The following TMT1A variants were observed in gnomAD, a reference collection of about 807,000 sequenced individuals.
The protein encoded by TMT1A is thiol methyltransferase 1A.
the TMT1A span, chr12:50,930,176 T>A: frequency 8.6e-6 from 13 of 1,518,672 alleles, no homozygotes; most frequent in Non-Finnish European, 1.2e-5. Context: ...AAGAGCTGAA[T>A]GGCTCAAAGA....
chr12:50,927,561 G>GTAAT, the TMT1A span, among the ~76,000 whole-genome samples: 5 of 152,182 alleles, frequency 3.3e-5, no homozygotes, highest in African/African-American at 1.2e-4. Flanking sequence ...TGCAAGGCAG[G>GTAAT]TAATTATTAT....
At chr12:50,929,146 G>A in the TMT1A span, among the ~76,000 whole-genome samples, 1 of 152,126 alleles carries the variant, frequency 6.6e-6, no homozygotes, top group Admixed American at 6.5e-5. Context: ...GAGGCAGTAG[G>A]ATTGCTTGAG....
chr12:50,925,400 G>A, the TMT1A span: 38 of 1,614,106 alleles, frequency 2.4e-5, no homozygotes, highest in Non-Finnish European at 3.0e-5. Context: ...CAGTTTGAGC[G>A]CTTTGTGGTA....
chr12:50,926,016 C>CAAAAA, the TMT1A span, among the ~76,000 whole-genome samples: 898 of 25,460 alleles, frequency 0.035, 68 homozygotes, highest in African/African-American at 0.047. Flanking sequence ...AACTCCATCT[C>CAAAAA]AAAAAAAAAA....
At chr12:50,925,613 C>A in the TMT1A span, 2 of 1,461,804 alleles carry the variant, frequency 1.4e-6, no homozygotes, top group Non-Finnish European at 1.8e-6. Context: ...TTTCAGGTGG[C>A]TGAAACATTT....
At chr12:50,932,416 TA>T in the TMT1A span, 2 of 152,244 alleles carry the variant, frequency 1.3e-5, no homozygotes, top group Non-Finnish European at 2.9e-5. Context: ...GGAATTTTAA[TA>T]AATGTAGTAT....
the TMT1A span, chr12:50,931,484 T>G: frequency 6.8e-6 from 1 of 146,460 alleles, no homozygotes. Flanking sequence ...CCGAGGCGGG[T>G]GGATCACGAG....
the TMT1A span, among the ~76,000 whole-genome samples, chr12:50,928,961 G>A: frequency 1.3e-5 from 2 of 152,018 alleles, no homozygotes; most frequent in Non-Finnish European, 1.5e-5. Flanking sequence ...ATCAGGGCCG[G>A]GCACGGTAGC....
At chr12:50,927,543 A>T in the TMT1A span, among the ~76,000 whole-genome samples, 5 of 152,344 alleles carry the variant, frequency 3.3e-5, no homozygotes, top group African/African-American at 1.2e-4. Flanking sequence ...CTAATCTCCC[A>T]ACACCGCTGC....
the TMT1A span, chr12:50,930,042 G>C: frequency 6.2e-7 from 1 of 1,614,146 alleles, no homozygotes; most frequent in East Asian, 2.2e-5. Context: ...GAGAGAGCTG[G>C]AAGGCCCTGG....
chr12:50,927,563 AATT>A, the TMT1A span, among the ~76,000 whole-genome samples: 1 of 152,196 alleles, frequency 6.6e-6, no homozygotes, highest in South Asian at 2.1e-4. Flanking sequence ...CAAGGCAGGT[AATT>A]ATTATCTCAG....
chr12:50,925,240 C>T, the TMT1A span: 1 of 1,614,178 alleles, frequency 6.2e-7, no homozygotes, highest in East Asian at 2.2e-5. Context: ...GTTTGCGGGC[C>T]CCTCCGGGAA....
the TMT1A span, chr12:50,925,513 G>A: frequency 2.5e-6 from 4 of 1,613,666 alleles, no homozygotes; most frequent in South Asian, 2.2e-5. Context: ...GATTCTCCGC[G>A]AGGTGTGCAG....
the TMT1A span, chr12:50,925,502 G>A: frequency 1.1e-5 from 17 of 1,613,806 alleles, no homozygotes; most frequent in African/African-American, 1.3e-5. Context: ...AACCAGGAGC[G>A]GATTCTCCGC....
At chr12:50,930,147 A>G in the TMT1A span, 6 of 1,600,594 alleles carry the variant, frequency 3.7e-6, no homozygotes, top group East Asian at 2.2e-5. Flanking sequence ...ATGCTGTGAA[A>G]TAGTGTGAGC....
chr12:50,929,934 G>A, the TMT1A span: 1 of 1,611,310 alleles, frequency 6.2e-7, no homozygotes, highest in East Asian at 2.2e-5. Flanking sequence ...TCTATTTCAT[G>A]GAGCATGTGG....
chr12:50,929,830 C>A, the TMT1A span: 2 of 1,300,148 alleles, frequency 1.5e-6, no homozygotes, highest in Non-Finnish European at 1.1e-6. Context: ...CAAGGCAGTG[C>A]CAGAGAACAA....
chr12:50,930,332 T>G, the TMT1A span: 2 of 537,594 alleles, frequency 3.7e-6, no homozygotes, highest in East Asian at 3.1e-5. Context: ...CAGGCTGGAG[T>G]GCAATGACGT....
At chr12:50,925,579 T>A in the TMT1A span, 1 of 1,584,844 alleles carries the variant, frequency 6.3e-7, no homozygotes, top group Admixed American at 1.7e-5. Context: ...TAGCAGCTAT[T>A]ATCATAGAGG....
Sources: allele counts gnomAD v4.1 joint callset (sites outside exome capture counted in the v4.1 genomes callset), GRCh38; gene constraint gnomAD v4.1.1; transcripts MANE v1.5; gene names NCBI Gene and HGNC (gene_info 2026-07-23, HGNC 2026-07-21).